Variants in MGST1 observed in about 807,000 individuals in gnomAD.
MGST1 encodes glutathione S-transferase 12.
A neutral mutation model predicts 8.9 loss-of-function variants in MGST1; 5 were observed. The observed-to-expected ratio is 0.56, with a 90% confidence interval of 0.29 to 1.19. MGST1 has a LOEUF of 1.19. MGST1 is among the 50% of genes most tolerant of loss of function. MGST1 has a pLI of 0.08. For synonymous variants in MGST1, 54 were observed against 67.8 expected, an observed-to-expected ratio of 0.80 and a Z score of 1.00; for missense variants, 182 against 187.4, an observed-to-expected ratio of 0.97 and a Z score of 0.17.
chr12:16,349,274 A>G (rs1482673602), intron 1 of MGST1, among the ~76,000 whole-genome samples: 1 of 152,198 alleles, frequency 6.6e-6, no homozygotes, highest in African/African-American at 2.4e-5. Context: ...TCATCCTGAG[A>G]AGAGAACTTT....
chr12:16,550,355 G>A (rs758301849), intron 4 of MGST1: 1 of 152,206 alleles, frequency 6.6e-6, no homozygotes. Flanking sequence ...GTAACCCTTT[G>A]GAAAAAATTT....
At chr12:16,533,741 T>C (rs557370135) in intron 4 of MGST1, among the ~76,000 whole-genome samples, 63 of 151,952 alleles carry the variant, frequency 4.1e-4, no homozygotes, top group African/African-American at 1.5e-3. Context: ...AAAAAAAAGT[T>C]TGTGATCAAT....
chr12:16,550,412 A>C (rs1175019743), intron 4 of MGST1: 1 of 152,462 alleles, frequency 6.6e-6, no homozygotes, highest in Non-Finnish European at 1.5e-5. Flanking sequence ...TGTGGCTGAA[A>C]AAGCAAAACA....
At chr12:16,515,753 C>G (rs1347116842) in intron 4 of MGST1, among the ~76,000 whole-genome samples, 2 of 152,254 alleles carry the variant, frequency 1.3e-5, no homozygotes, top group Non-Finnish European at 2.9e-5. Context: ...TCAGCATCCT[C>G]TTCAATGATT....
chr12:16,414,946 C>T (rs1353824770), intron 1 of MGST1, among the ~76,000 whole-genome samples: 1 of 152,090 alleles, frequency 6.6e-6, no homozygotes, highest in East Asian at 2.0e-4. Context: ...ATCACTTGAA[C>T]CTAGGAGGCG....
Position 16,363,987 on chromosome 12 carries a change from T to C in MGST1, c.414T>C (p.Tyr138=). 6.2e-7 allele frequency: 1 copy of C among 1,613,914 alleles called. No individual in the cohort carries two copies. Among genetic ancestry groups the C allele is most frequent in the Non-Finnish European group, 8.5e-7 (1 of 1,179,850 alleles). Residue 138 remains tyrosine, a synonymous_variant, in exon 4 of 4, where the codon TAT becomes TAC. Coordinates refer to ENST00000396210, the MANE Select transcript of MGST1 (RefSeq NM_020300.5). The surrounding 1 kb of genome is among the most constrained non-coding windows in gnomAD (Gnocchi z 4.6). ...GAGCTTTGAGTTTTTTTGTTGGATA[T>C]GGAGTTACTCTTTCCATGGCTTACA... ...PNRALSFFVG[Y]GVTLSMAYRL...
intron 4 of MGST1, among the ~76,000 whole-genome samples, chr12:16,450,839 C>CAT (rs978891087): frequency 9.6e-4 from 142 of 147,992 alleles, no homozygotes; most frequent in African/African-American, 3.3e-3. Flanking sequence ...ATATATATTC[C>CAT]GTGTGTGTGT....
rs186112612 is a variant in MGST1, at chr12:16,468,586, T to C, written n.482+84982T>C. 1.4e-4 allele frequency among the ~76,000 whole-genome samples: 21 copies of C among 152,326 alleles called. No individual in the cohort carries two copies. In the East Asian group the frequency reaches 4.1e-3, roughly 29 times the overall value. Reference sequence around the variant, plus strand: ...CATCATTGGAGGTCTTGAGTGTATATAGCTTATTTCATCAAAATATGGAAT... The same window carrying C: ...CATCATTGGAGGTCTTGAGTGTATACAGCTTATTTCATCAAAATATGGAAT... On this transcript the variant is annotated intron_variant and non_coding_transcript_variant, in intron 4 of 4. Coordinates refer to the MGST1 transcript ENST00000538857.
At chr12:16,423,727 T>C (rs1940862538) in intron 1 of MGST1, among the ~76,000 whole-genome samples, 1 of 152,214 alleles carries the variant, frequency 6.6e-6, no homozygotes, top group South Asian at 2.1e-4. Flanking sequence ...TTGAATTCTG[T>C]TATTGGTATT....
intron 4 of MGST1, among the ~76,000 whole-genome samples, chr12:16,471,088 A>C (rs1941287415): frequency 6.6e-6 from 1 of 152,202 alleles, no homozygotes; most frequent in Admixed American, 6.5e-5. Context: ...TGCATTTTCC[A>C]CTAGTGTAAT....
chr12:16,376,754 T>C (rs1461746713), exon 4 of MGST1: 3 of 152,086 alleles, frequency 2.0e-5, no homozygotes, highest in Admixed American at 1.3e-4. Context: ...GATATGATAA[T>C]GGCATTGAGT....
intron 4 of MGST1, among the ~76,000 whole-genome samples, chr12:16,518,575 A>G (rs1304547089): frequency 3.9e-5 from 6 of 152,222 alleles, no homozygotes; most frequent in Admixed American, 1.3e-4. Flanking sequence ...TGTTATGCCC[A>G]TTGCTATATT....
At chr12:16,470,134 G>T (rs1242327890) in intron 4 of MGST1, among the ~76,000 whole-genome samples, 1 of 152,024 alleles carries the variant, frequency 6.6e-6, no homozygotes, top group Non-Finnish European at 1.5e-5. Flanking sequence ...CTCCACATTG[G>T]TAATTGCTAT....
chr12:16,528,503 A>G (rs1167495312), intron 4 of MGST1, among the ~76,000 whole-genome samples: 1 of 152,066 alleles, frequency 6.6e-6, no homozygotes, highest in African/African-American at 2.4e-5. Context: ...TCTTAATGCC[A>G]TATATCTAGG....
chr12:16,394,995 G>A (rs1024797017), intron 1 of MGST1, among the ~76,000 whole-genome samples: 2 of 151,744 alleles, frequency 1.3e-5, no homozygotes, highest in Non-Finnish European at 2.9e-5. Context: ...TCAATGGACA[G>A]CTTGTTTTTT....
At position 16,433,026 on chromosome 12, in the gene MGST1, T is replaced by A. The variant is rs1940953111; in HGVS notation, n.779-4362T>A. On this transcript the variant is annotated intron_variant and non_coding_transcript_variant, in intron 1 of 1. Coordinates refer to the MGST1 transcript ENST00000359720. ...GATGTGTATATAAAGGGGAGTTTATTAGGGAGTATTAACTCACACGATCAC... is the reference window on the plus strand; with the variant it reads ...GATGTGTATATAAAGGGGAGTTTATAAGGGAGTATTAACTCACACGATCAC... 2.6e-5 allele frequency among the ~76,000 whole-genome samples: 4 copies of A among 151,968 alleles called. No individual in the cohort carries two copies. In the South Asian group the frequency reaches 6.2e-4, roughly 24 times the overall value.
At position 16,517,141 on chromosome 12, in the gene MGST1, T is replaced by C. The variant is rs184826426; in HGVS notation, n.483-72387T>C. The stretch of plus-strand genomic sequence containing the variant: ...ATATGCAAAGTCATTGGAAGGAAGC[T>C]GAATGGCTCCTAGGCCAGCAAACTT... On this transcript the variant is annotated intron_variant and non_coding_transcript_variant, in intron 4 of 4. Coordinates refer to the MGST1 transcript ENST00000538857. The surrounding 1 kb of genome is among the most constrained non-coding windows in gnomAD (Gnocchi z 4.2). Among the ~76,000 whole-genome samples the C allele has an allele frequency of 4.6e-5, 7 of 152,270 alleles. No individual in the cohort carries two copies. In the East Asian group the frequency reaches 9.7e-4, roughly 21 times the overall value.
intron 1 of MGST1, among the ~76,000 whole-genome samples, chr12:16,414,703 C>T (rs996444684): frequency 6.6e-6 from 1 of 152,132 alleles, no homozygotes; most frequent in Admixed American, 6.5e-5. Context: ...GTGTGAGCCA[C>T]CGCGCCCGGC....
intron 4 of MGST1, among the ~76,000 whole-genome samples, chr12:16,575,647 G>A (rs773716187): frequency 1.2e-4 from 19 of 152,126 alleles, no homozygotes; most frequent in Non-Finnish European, 2.6e-4. Context: ...TACACCCAGC[G>A]TCACATAGAT....
Sources: allele counts gnomAD v4.1 joint callset (sites outside exome capture counted in the v4.1 genomes callset), GRCh38; gene constraint gnomAD v4.1.1; non-coding constraint Gnocchi (gnomAD v3.1); transcripts MANE v1.5; gene names NCBI Gene and HGNC (gene_info 2026-07-23, HGNC 2026-07-21).